Variants in HBS1L observed in about 807,000 individuals in gnomAD.
HBS1L encodes HBS1 like translational GTPase.
A neutral mutation model predicts 88.9 loss-of-function variants in HBS1L; 55 were observed. The ratio of observed to expected loss-of-function variants is 0.62; its 90% CI spans 0.50 to 0.77. The LOEUF (loss-of-function observed/expected upper bound fraction) is 0.77. Among genes scored for constraint, HBS1L ranks in the 30% least tolerant of loss-of-function variants. The pLI is 0.00. For synonymous variants in HBS1L, 267 were observed against 288.5 expected (o/e 0.93, Z 0.76); for missense variants, 741 against 829.3 (o/e 0.89, Z 1.31).
At chr6:135,047,506 T>C (rs1378738244) in intron 2 of HBS1L, among the ~76,000 whole-genome samples, 2 of 152,208 alleles carry the variant, frequency 1.3e-5, no homozygotes, top group Non-Finnish European at 2.9e-5. Flanking sequence ...AGTGGGCTTG[T>C]TAAAACATCT....
intron 4 of HBS1L, among the ~76,000 whole-genome samples, chr6:135,033,430 T>A (rs1776443332): frequency 6.6e-6 from 1 of 152,110 alleles, no homozygotes; most frequent in South Asian, 2.1e-4. Context: ...GGTGGAAAGG[T>A]CTGCTCAGTT....
At chr6:134,973,073 C>T (rs1471449868) in intron 15 of HBS1L, among the ~76,000 whole-genome samples, 1 of 152,184 alleles carries the variant, frequency 6.6e-6, no homozygotes. Flanking sequence ...ACCATATGAT[C>T]CAGCAATTCC....
At chr6:135,040,733 T>C (rs1013844586) in intron 3 of HBS1L, among the ~76,000 whole-genome samples, 1 of 152,170 alleles carries the variant, frequency 6.6e-6, no homozygotes, top group Admixed American at 6.5e-5. Context: ...GACATTAGTA[T>C]TAAAAGTAAT....
At chr6:134,987,622 A>C in intron 9 of HBS1L, 23 bp downstream of exon 9, 12 of 1,564,918 alleles carry the variant, frequency 7.7e-6, no homozygotes, top group Non-Finnish European at 8.7e-6. Context: ...TCTTAAACAA[A>C]TCTCCACAAA....
chr6:135,036,302 CACA>C (rs1431983262), intron 4 of HBS1L: 6 of 1,057,890 alleles, frequency 5.7e-6, no homozygotes, highest in Non-Finnish European at 6.9e-6. Flanking sequence ...GGTCTGATTT[CACA>C]ACATCAAGTT....
intron 13 of HBS1L, 25 bp from the exon 14 acceptor site, chr6:134,979,293 A>C: frequency 6.4e-7 from 1 of 1,559,654 alleles, no homozygotes; most frequent in Non-Finnish European, 8.8e-7. Flanking sequence ...GAACCAAAGC[A>C]TACAGTGAAA....
intron 2 of HBS1L, 46 bp from the exon 3 acceptor site, chr6:135,042,172 T>C (rs1158833780): frequency 6.6e-7 from 1 of 1,509,648 alleles, no homozygotes; most frequent in Non-Finnish European, 8.9e-7. Context: ...AGCCATTTCC[T>C]ATTAACTTTT....
intron 4 of HBS1L, chr6:135,036,832 AG>A: frequency 6.4e-7 from 1 of 1,551,796 alleles, no homozygotes; most frequent in Non-Finnish European, 8.7e-7. Context: ...TTTCCTAGTC[AG>A]AGAGCCTTTG....
intron 5 of HBS1L, among the ~76,000 whole-genome samples, chr6:134,999,774 G>C (rs968621640): frequency 3.3e-5 from 5 of 151,788 alleles, no homozygotes; most frequent in African/African-American, 1.2e-4. Flanking sequence ...TAGGTAAACT[G>C]TAAATTAATT....
intron 17 of HBS1L, 54 bp downstream of exon 17, chr6:134,966,275 A>T (rs9402669): frequency 0.13 from 196,030 of 1,462,844 alleles, 15,613 homozygotes; most frequent in South Asian, 0.27. Context: ...AAAGGTAAAA[A>T]AGAAAAGGCA....
chr6:134,992,090 T>C (rs1052871649), intron 8 of HBS1L, among the ~76,000 whole-genome samples: 1 of 152,076 alleles, frequency 6.6e-6, no homozygotes, highest in Non-Finnish European at 1.5e-5. Flanking sequence ...TTTTAATGAG[T>C]AGATCCCAGA....
Position 135,026,154 on chromosome 6 carries a change from T to A in HBS1L, c.430+13419A>T, listed in dbSNP as rs138942545. Among the ~76,000 whole-genome samples the A allele has an allele frequency of 3.2e-3, 492 of 152,302 alleles. 1 individual carries two copies. Among genetic ancestry groups the A allele is most frequent in the African/African-American group, 0.011 (478 of 41,566 alleles). Reference sequence around the variant, plus strand: ...TGTTTTTAAAAACTGTTTAATAAATTGTTTAAAAAAATAATTGTTTAAAAG... The same window carrying A: ...TGTTTTTAAAAACTGTTTAATAAATAGTTTAAAAAAATAATTGTTTAAAAG... On this transcript the variant is annotated intron_variant, in intron 4 of 17. Coordinates refer to ENST00000367837, the MANE Select transcript of HBS1L (RefSeq NM_006620.4).
At chr6:135,027,672 T>C (rs1776273059) in intron 4 of HBS1L, among the ~76,000 whole-genome samples, 1 of 152,220 alleles carries the variant, frequency 6.6e-6, no homozygotes, top group Non-Finnish European at 1.5e-5. Flanking sequence ...ATCTGAAATT[T>C]ACATGGCAAA....
chr6:134,997,002 A>G lies in HBS1L; in HGVS notation c.800-60T>C, dbSNP rs990100250. 3 of 1,205,512 alleles carry G rather than the reference A, an allele frequency of 2.5e-6. No homozygotes were observed. The African/African-American group carries it at 4.5e-5, about 18-fold the overall frequency. The allele number at this position is 1,205,512 out of a possible 1,614,324, so 74.7% of individuals were successfully genotyped here. On this transcript the variant is annotated intron_variant, in intron 6 of 17. Coordinates refer to ENST00000367837, the MANE Select transcript of HBS1L (RefSeq NM_006620.4). ...CATTTCCAGATGTTCACATTGAGGC[A>G]TTGCATAAATGTGTAATTCAATATT...
In HBS1L at chr6:135,035,895, A is replaced by G. The variant is rs188363903; in HGVS notation, c.430+3678T>C. ...TTTATATATTTATTTTAAAGTGTATACTTAGGACAAATGGTTTTTAAAAAT... is the reference window on the plus strand; with the variant it reads ...TTTATATATTTATTTTAAAGTGTATGCTTAGGACAAATGGTTTTTAAAAAT... On this transcript the variant is annotated intron_variant, in intron 4 of 17. Coordinates refer to ENST00000367837, the MANE Select transcript of HBS1L (RefSeq NM_006620.4). The G allele has an allele frequency of 4.8e-4, 318 of 669,014 alleles. No homozygotes were observed. The African/African-American group carries it at 6.0e-3, about 13-fold the overall frequency. 41.4% of individuals were successfully genotyped at this position (669,014 alleles called of 1,614,324 possible). A position where few individuals can be genotyped will look rare whatever the true frequency, so the allele number is the denominator to read the frequency against.
At chr6:134,994,076 A>C (rs905067773) in intron 7 of HBS1L, among the ~76,000 whole-genome samples, 2 of 152,136 alleles carry the variant, frequency 1.3e-5, no homozygotes, top group East Asian at 3.8e-4. Flanking sequence ...TTTTAACATA[A>C]AAGGGAGGAC....
At chr6:135,013,266 G>A (rs1775823750) in intron 4 of HBS1L, among the ~76,000 whole-genome samples, 1 of 152,194 alleles carries the variant, frequency 6.6e-6, no homozygotes, top group Non-Finnish European at 1.5e-5. Context: ...ACATATGAAA[G>A]CACACAGTCC....
At chr6:135,006,881 G>C (rs1040033457) in intron 4 of HBS1L, among the ~76,000 whole-genome samples, 1 of 151,996 alleles carries the variant, frequency 6.6e-6, no homozygotes, top group Admixed American at 6.6e-5. Flanking sequence ...AAGTGGCATG[G>C]GGGATTCTGG....
chr6:135,009,966 T>C (rs1390853880), intron 4 of HBS1L, among the ~76,000 whole-genome samples: 1 of 152,096 alleles, frequency 6.6e-6, no homozygotes, highest in East Asian at 1.9e-4. Context: ...TAAAACTGTT[T>C]AGAAATAAGG....
Sources: gnomAD v4.1 joint callset for allele counts (sites outside exome capture counted in the v4.1 genomes callset) on GRCh38, gnomAD v4.1.1 for gene constraint, MANE v1.5 for transcripts, NCBI Gene and HGNC (gene_info 2026-07-23, HGNC 2026-07-21) for gene names.